Variants in CSRNP3 observed in about 807,000 individuals in gnomAD.
CSRNP3 encodes cysteine and serine rich nuclear protein 3.
A neutral mutation model predicts 48.0 loss-of-function variants in CSRNP3; 12 were observed. The observed-to-expected ratio is 0.25, with a 90% CI of 0.16 to 0.41. The LOEUF (loss-of-function observed/expected upper bound fraction) is 0.41. Among genes scored for constraint, CSRNP3 ranks in the 10% least tolerant of loss-of-function variants. The probability of loss-of-function intolerance (pLI) is 1.00; values close to 1 mark genes in which losing one functional copy is unlikely to be tolerated. For synonymous variants in CSRNP3, 263 were observed against 269.7 expected, an observed-to-expected ratio of 0.98 and a Z score of 0.24; for missense variants, 580 against 724.4, an observed-to-expected ratio of 0.80 and a Z score of 2.29.
intron 3 of CSRNP3, among the ~76,000 whole-genome samples, chr2:165,532,925 CAG>C (rs1684834045): frequency 6.6e-6 from 1 of 152,044 alleles, no homozygotes; most frequent in Admixed American, 6.5e-5. Context: ...AACAGACAAA[CAG>C]AGAGCCAAAT....
chr2:165,580,297 C>T (rs1284548254), intron 3 of CSRNP3, among the ~76,000 whole-genome samples: 1 of 152,038 alleles, frequency 6.6e-6, no homozygotes, highest in African/African-American at 2.4e-5. Context: ...TTTACATTTC[C>T]GTAGAACATT....
At chr2:165,479,362 A>C (rs1033789415) in intron 1 of CSRNP3, among the ~76,000 whole-genome samples, 2 of 152,162 alleles carry the variant, frequency 1.3e-5, no homozygotes, top group African/African-American at 4.8e-5. Flanking sequence ...TAAAATTATG[A>C]TTTCAAGTGC....
At chr2:165,594,075 C>G (rs1685770409) in intron 3 of CSRNP3, among the ~76,000 whole-genome samples, 1 of 152,004 alleles carries the variant, frequency 6.6e-6, no homozygotes, top group Non-Finnish European at 1.5e-5. Context: ...GTGCCATCCC[C>G]AAGGTACCTC....
Position 165,679,014 on chromosome 2 carries a change from G to T in CSRNP3, c.1019G>T (p.Gly340Val). Residue 340 changes from glycine to valine, a missense_variant, in exon 7 of 7, where the codon GGA (glycine) becomes GTA (valine). Gly to Val is a moderately radical substitution (Grantham distance 109). Transcript: ENST00000651982. ...TCGGCTGAAGAATTAGATTGCCAAG[G>T]AGAGGAGGAGGAAGAAGAGGAGGAT... ...LQSAEELDCQ[G>V]EEEEEEEDGS... 6.2e-7 allele frequency: 1 copy of T among 1,613,960 alleles called. No homozygotes were observed.
intron 3 of CSRNP3, among the ~76,000 whole-genome samples, chr2:165,586,950 T>C (rs907134008): frequency 5.9e-5 from 9 of 152,230 alleles, no homozygotes; most frequent in African/African-American, 2.2e-4. Context: ...ATTTTCCCTT[T>C]GAACTCACCA....
At chr2:165,635,964 AG>A (rs1401263838) in intron 4 of CSRNP3, among the ~76,000 whole-genome samples, 5 of 152,146 alleles carry the variant, frequency 3.3e-5, no homozygotes, top group Non-Finnish European at 7.3e-5. Flanking sequence ...CATGATGCAG[AG>A]CCCTTCACCT....
At chr2:165,574,046 T>C (rs1223806918) in intron 3 of CSRNP3, 3 of 313,904 alleles carry the variant, frequency 9.6e-6, no homozygotes, top group Non-Finnish European at 1.2e-5. Context: ...TATCCATTAA[T>C]AGACACAGGG....
At chr2:165,665,538 A>G (rs1249646033) in intron 5 of CSRNP3, among the ~76,000 whole-genome samples, 1 of 152,106 alleles carries the variant, frequency 6.6e-6, no homozygotes, top group Non-Finnish European at 1.5e-5. Flanking sequence ...AGGCTGGAGA[A>G]TTGCTGGAGG....
chr2:165,554,126 C>T (rs1175471784), intron 3 of CSRNP3, among the ~76,000 whole-genome samples: 1 of 152,182 alleles, frequency 6.6e-6, no homozygotes, highest in Non-Finnish European at 1.5e-5. Context: ...CTCCCTCATG[C>T]ATGCTACACA....
chr2:165,549,412 G>A (rs747177343), intron 3 of CSRNP3, among the ~76,000 whole-genome samples: 3 of 151,908 alleles, frequency 2.0e-5, no homozygotes, highest in African/African-American at 7.2e-5. Context: ...CAAGTTAATC[G>A]CAACTGGTTA....
At chr2:165,636,848 A>G (rs770756973) in intron 4 of CSRNP3, among the ~76,000 whole-genome samples, 23 of 152,134 alleles carry the variant, frequency 1.5e-4, no homozygotes, top group Non-Finnish European at 2.8e-4. Flanking sequence ...ATTTTTTTTA[A>G]TAATGCTAGA....
At chr2:165,673,131 CTTTTTTTTTT>C (rs3032370) in intron 5 of CSRNP3, among the ~76,000 whole-genome samples, 5 of 67,124 alleles carry the variant, frequency 7.4e-5, no homozygotes, top group Admixed American at 2.4e-4. Context: ...GTATGTAGCT[CTTTTTTTTTT>C]TTTTTTTTTT....
intron 1 of CSRNP3, among the ~76,000 whole-genome samples, chr2:165,481,346 G>T (rs1684040454): frequency 6.6e-6 from 1 of 152,144 alleles, no homozygotes; most frequent in Non-Finnish European, 1.5e-5. Context: ...AATCCCCTGA[G>T]ATTACTGCAG....
At chr2:165,555,600 C>T (rs777337253) in intron 3 of CSRNP3, among the ~76,000 whole-genome samples, 2 of 152,160 alleles carry the variant, frequency 1.3e-5, no homozygotes, top group Non-Finnish European at 2.9e-5. Context: ...AATCACTAAC[C>T]TGACATACTT....
chr2:165,481,106 T>C (rs1294617409), intron 1 of CSRNP3, among the ~76,000 whole-genome samples: 3 of 152,104 alleles, frequency 2.0e-5, no homozygotes, highest in African/African-American at 7.2e-5. Context: ...TATCATGGCC[T>C]AGTTATTCAA....
chr2:165,586,761 A>G (rs943792694), intron 3 of CSRNP3, among the ~76,000 whole-genome samples: 5 of 152,248 alleles, frequency 3.3e-5, no homozygotes, highest in Non-Finnish European at 5.9e-5. Context: ...TGAGTTATCT[A>G]TGAAAGCCAT....
In CSRNP3 at chr2:165,666,616, G is replaced by A. The variant is rs1177640860; in HGVS notation, c.408+8596G>A. Among the ~76,000 whole-genome samples the A allele has an allele frequency of 5.3e-4, 38 of 71,628 alleles. 7 individuals carry two copies. Among genetic ancestry groups the A allele is most frequent in the African/African-American group, 1.8e-3 (34 of 18,826 alleles). The allele number at this position is 71,628 out of a possible 152,430, so 47.0% of individuals were successfully genotyped here. ...GAGGATAGAGAGAGATGAAGAAAGA[G>A]AGAAAGGAAGGAAGTAAGGGAGGAA... On this transcript the variant is annotated intron_variant, in intron 5 of 6. Coordinates refer to ENST00000651982, the MANE Select transcript of CSRNP3 (RefSeq NM_001172173.2).
chr2:165,600,472 T>C (rs916850904), intron 4 of CSRNP3, among the ~76,000 whole-genome samples: 1 of 152,176 alleles, frequency 6.6e-6, no homozygotes, highest in Admixed American at 6.5e-5. Flanking sequence ...CTGGGTCAAA[T>C]GGTATTTCTA....
At chr2:165,538,622 T>A (rs1386640866) in intron 3 of CSRNP3, among the ~76,000 whole-genome samples, 1 of 151,948 alleles carries the variant, frequency 6.6e-6, no homozygotes, top group East Asian at 1.9e-4. Context: ...TTCAATGGCA[T>A]CTTCCCTAGT....
Sources: gnomAD v4.1 joint callset for allele counts (sites outside exome capture counted in the v4.1 genomes callset) on GRCh38, gnomAD v4.1.1 for gene constraint, MANE v1.5 for transcripts, NCBI Gene and HGNC (gene_info 2026-07-23, HGNC 2026-07-21) for gene names.